MMS19: variants seen among roughly 807,000 people sequenced by gnomAD.
MMS19 encodes the protein MMS19 cytosolic iron-sulfur assembly component.
In MMS19, 77 loss-of-function variants were observed where a neutral mutation model predicts 129.8. That is an observed-to-expected ratio of 0.59 (90% confidence interval 0.49 to 0.72). The LOEUF (loss-of-function observed/expected upper bound fraction) is 0.72, where lower values mean the gene tolerates loss of function less well. Ranked by LOEUF, MMS19 falls within the 30% of genes least tolerant of loss-of-function variation. The probability of loss-of-function intolerance (pLI) is 0.00; values close to 1 mark genes in which losing one functional copy is unlikely to be tolerated. For synonymous variants in MMS19, 491 were observed against 502.8 expected, an observed-to-expected ratio of 0.98 and a Z score of 0.31; for missense variants, 1,168 against 1,266.3, an observed-to-expected ratio of 0.92 and a Z score of 1.18.
rs778033107 is a variant in MMS19 at position 97,466,157 on chromosome 10, C to G, written c.1508G>C (p.Arg503Thr). 12 of 1,562,896 alleles carry G rather than the reference C, an allele frequency of 7.7e-6. No homozygotes were observed. The South Asian group carries it at 1.4e-4, about 18-fold the overall frequency. Residue 503 changes from arginine (R) to threonine (T), a missense_variant and splice_region_variant, in exon 17 of 31, where the codon AGG becomes ACG. Physicochemically the swap from Arg to Thr is moderately conservative, Grantham distance 71. Around this residue, in one of 3 missense-constraint regions of MMS19, gnomAD observed 831 missense variants for 910.8 expected, o/e 0.91. Coordinates refer to ENST00000438925, the MANE Select transcript of MMS19 (RefSeq NM_022362.5). ...SFLKEDSQSC[R>T]VAALEASGTL... ...TCCTGATGCTTCCAGTGCTGCCACC[C>G]TGCTGGAGGCGCAGAGCAGATAAGC... is the stretch of plus-strand genomic sequence containing the variant.
chr10:97,464,037 G>T, intron 18 of MMS19, 24 bp from the exon 19 acceptor site: 1 of 1,602,476 alleles, frequency 6.2e-7, no homozygotes. Flanking sequence ...AGTGTTCTCT[G>T]TAAGGTTTGC....
chr10:97,468,205 C>T (rs2033935567), intron 13 of MMS19, 47 bp downstream of exon 13: 1 of 1,478,078 alleles, frequency 6.8e-7, no homozygotes, highest in African/African-American at 1.4e-5. Context: ...GAAAGGGAAC[C>T]TAGCACACAG....
chr10:97,463,757 T>C (rs1332055090), intron 19 of MMS19, 101 bp downstream of exon 19: 3 of 1,053,558 alleles, frequency 2.8e-6, no homozygotes, highest in Non-Finnish European at 4.1e-6. Flanking sequence ...AAACCTCTGA[T>C]GGTACAAAAT....
chr10:97,479,573 C>T (rs2036384092), intron 3 of MMS19, among the ~76,000 whole-genome samples: 1 of 152,134 alleles, frequency 6.6e-6, no homozygotes, highest in Non-Finnish European at 1.5e-5. Context: ...TGGATGTTTA[C>T]TGTGTGTTAT....
intron 6 of MMS19, 64 bp from the exon 7 acceptor site, chr10:97,477,027 A>G: frequency 1.9e-6 from 3 of 1,603,422 alleles, no homozygotes; most frequent in Non-Finnish European, 2.6e-6. Flanking sequence ...GCTTTCTCCT[A>G]GCCTGTGTTC....
chr10:97,477,899 C>T lies in MMS19; in HGVS notation c.379G>A (p.Ala127Thr). Residue 127 changes from alanine (A) to threonine (T), a missense_variant, in exon 5 of 31, where the codon GCT (alanine) becomes ACT (threonine). Around this residue, in one of 3 missense-constraint regions of MMS19, gnomAD observed 329 missense variants for 328.6 expected, o/e 1.00. Transcript: ENST00000438925. ...SLCVALPPGL[A>T]VSVLKAIFQE... ...AAGATGGCTTTAAGCACAGAAACAG[C>T]CAGCCCTGGGGGCAGGGCCACACAC... 1 of 1,608,512 alleles carries T rather than the reference C, an allele frequency of 6.2e-7. No individual in the cohort carries two copies.
chr10:97,482,737 T>TACAC (rs764606344), intron 2 of MMS19, among the ~76,000 whole-genome samples: 2,696 of 98,372 alleles, frequency 0.027, 49 homozygotes, highest in African/African-American at 0.061. Flanking sequence ...TGTATATATA[T>TACAC]ACACACACAC....
chr10:97,476,224 T>A (rs2035743576), intron 8 of MMS19, among the ~76,000 whole-genome samples: 1 of 152,222 alleles, frequency 6.6e-6, no homozygotes, highest in African/African-American at 2.4e-5. Context: ...TTTGTTTCTA[T>A]AGCCTGAGAT....
intron 6 of MMS19, 129 bp from the exon 7 acceptor site, chr10:97,477,092 C>T: frequency 6.5e-7 from 1 of 1,527,110 alleles, no homozygotes; most frequent in Non-Finnish European, 8.7e-7. Context: ...TTTTTCCATT[C>T]CAAGAAAGTA....
rs758416659 is a variant in MMS19, at chr10:97,460,966, C to T, written c.2353G>A (p.Val785Met). ...DEFLQLAVDK[V>M]EAGLGSGPCR... is the part of the protein sequence containing the mutation. Reference sequence around the variant, plus strand: ...GGCCCAGAGCCCAGGCCAGCCTCCACTTTGTCCACAGCTAGCTGTAGGAAT... The same window carrying T: ...GGCCCAGAGCCCAGGCCAGCCTCCATTTTGTCCACAGCTAGCTGTAGGAAT... Residue 785 changes from valine to methionine, a missense_variant, in exon 24 of 31, where the codon GTG (valine) becomes ATG (methionine). Val to Met is a conservative substitution (Grantham distance 21). Around this residue, in one of 3 missense-constraint regions of MMS19, gnomAD observed 831 missense variants for 910.8 expected, o/e 0.91. Coordinates refer to ENST00000438925, the MANE Select transcript of MMS19 (RefSeq NM_022362.5). 2.1e-5 allele frequency: 33 copies of T among 1,574,956 alleles called. No homozygotes were observed. Among genetic ancestry groups the T allele is most frequent in the Middle Eastern group, 3.3e-4 (2 of 6,022 alleles).
rs1332034288 is a variant in MMS19, at chr10:97,463,980, G to A, written c.1790C>T (p.Ala597Val). The A allele has an allele frequency of 6.2e-7, 1 of 1,613,056 alleles. No homozygotes were observed. Among genetic ancestry groups the A allele is most frequent in the Non-Finnish European group, 8.5e-7 (1 of 1,179,542 alleles). ...NMVAQSSDVI[A>V]VCQSLRQMAE... is the part of the protein sequence containing the mutation. ...CATCTGTCTGAGGCTCTGACAGACA[G>A]CAATAACGTCACTGGATTGTGCAAC... is the stretch of plus-strand genomic sequence containing the variant. Residue 597 changes from alanine to valine, a missense_variant, in exon 19 of 31, where the codon GCT becomes GTT. Ala to Val is a moderately conservative substitution (Grantham distance 64). Transcript: ENST00000438925.
chr10:97,491,004 A>G (rs943369507), intron 1 of MMS19, among the ~76,000 whole-genome samples: 3 of 152,338 alleles, frequency 2.0e-5, no homozygotes, highest in African/African-American at 4.8e-5. Flanking sequence ...CAACACTTAC[A>G]TGAACTGAAA....
At chr10:97,459,130 C>T in intron 29 of MMS19, 93 bp downstream of exon 29, 1 of 1,239,138 alleles carries the variant, frequency 8.1e-7, no homozygotes, top group Non-Finnish European at 1.1e-6. Context: ...AATTACACAC[C>T]AGGGTGGCCA....
chr10:97,460,786 G>T, intron 24 of MMS19, 35 bp from the exon 25 acceptor site: 2 of 1,575,062 alleles, frequency 1.3e-6, no homozygotes, highest in South Asian at 2.3e-5. Flanking sequence ...ATTGGGGAAT[G>T]ACACTCAAAC....
Position 97,468,421 on chromosome 10 carries a change from C to T in MMS19, c.1064-15G>A. The T allele has an allele frequency of 6.3e-7, 1 of 1,585,078 alleles. No homozygotes were observed. Among genetic ancestry groups the T allele is most frequent in the South Asian group, 1.1e-5 (1 of 88,292 alleles). On this transcript the variant is annotated splice_polypyrimidine_tract_variant and intron_variant, in intron 12 of 30. Coordinates refer to ENST00000438925, the MANE Select transcript of MMS19 (RefSeq NM_022362.5). ...GTGCCTGCAGTCTAGAGAAGCAGCA[C>T]ATCACAGAGCTGGGGAGGAGGCCAA... is the stretch of plus-strand genomic sequence containing the variant.
chr10:97,458,839 C>A lies in MMS19; in HGVS notation c.3026G>T (p.Arg1009Ile). 1.2e-6 allele frequency: 2 copies of A among 1,614,042 alleles called. No homozygotes were observed. Among genetic ancestry groups the A allele is most frequent in the Admixed American group, 1.7e-5 (1 of 60,024 alleles). Residue 1009 changes from arginine (R) to isoleucine (I), a missense_variant, in exon 30 of 31, where the codon AGA becomes ATA. This residue lies in a region of MMS19 where 831 missense variants were observed against 910.8 expected (regional missense o/e 0.91). Transcript: ENST00000438925. ...ALAKPLDDKKRLVRKEAVSAR... is the reference protein window; with the variant it reads ...ALAKPLDDKKILVRKEAVSAR... ...TGACACTGCTTCCTTGCGCACCAGT[C>A]TCTTCTTGTCATCCAGGGGTTTGGC...
rs2035873281 is a variant in MMS19, at chr10:97,476,860, G to A, written c.597C>T (p.Asp199=). 10 of 1,613,860 alleles carry A rather than the reference G, an allele frequency of 6.2e-6. No homozygotes were observed. Among genetic ancestry groups the A allele is most frequent in the African/African-American group, 1.3e-5 (1 of 74,906 alleles). The change falls in exon 7 of 31, where the codon GAC becomes GAT. Residue 199 remains aspartate, a synonymous_variant. Transcript: ENST00000438925. ...CCAGGCTATAGTCCCTGGAGATGAG[G>A]TCATGGACGATGCGGAAGGCCACCA... ...NLLVAFRIVH[D]LISRDYSLGP... is the part of the protein sequence containing the mutation.
At chr10:97,498,459 G>A, upstream of MMS19, 11 of 1,531,590 alleles carry the variant, frequency 7.2e-6, no homozygotes, top group East Asian at 2.4e-5. Flanking sequence ...CGCCTCCCGA[G>A]CCAATCTCCG....
chr10:97,486,495 T>C (rs2037866777), intron 1 of MMS19, among the ~76,000 whole-genome samples: 1 of 152,178 alleles, frequency 6.6e-6, no homozygotes, highest in Non-Finnish European at 1.5e-5. Flanking sequence ...TCCTGCCACT[T>C]GGGACAACAC....
Sources: allele counts gnomAD v4.1 joint callset (sites outside exome capture counted in the v4.1 genomes callset), GRCh38; gene constraint gnomAD v4.1.1; regional missense constraint gnomAD v4.1.1; transcripts MANE v1.5; gene names NCBI Gene and HGNC (gene_info 2026-07-23, HGNC 2026-07-21).